PADI2: variants seen among roughly 807,000 people sequenced by gnomAD.
The protein encoded by PADI2 is peptidyl arginine deiminase 2.
In PADI2, 70 loss-of-function variants were observed where a neutral mutation model predicts 81.1. The ratio of observed to expected loss-of-function variants is 0.86; its 90% CI spans 0.71 to 1.05. The LOEUF (loss-of-function observed/expected upper bound fraction) is 1.05, where lower values mean the gene tolerates loss of function less well. Among genes scored for constraint, PADI2 ranks in the 50% least tolerant of loss-of-function variants. PADI2 has a pLI of 0.00. For synonymous variants in PADI2, 338 were observed against 358.0 expected, an observed-to-expected ratio of 0.94 and a Z score of 0.63; for missense variants, 853 against 889.9, an observed-to-expected ratio of 0.96 and a Z score of 0.53.
At chr1:17,095,251 T>A (rs2746518) in intron 4 of PADI2, among the ~76,000 whole-genome samples, 93,434 of 151,472 alleles carry the variant, frequency 0.62, 29,121 homozygotes, top group African/African-American at 0.68. Flanking sequence ...AAACAGAATG[T>A]GATGGAGAAC....
At chr1:17,075,245 T>C (rs3818040) in intron 12 of PADI2, 225,063 of 366,178 alleles carry the variant, frequency 0.61, 70,429 homozygotes, top group Middle Eastern at 0.7. Context: ...GGTATGAAGT[T>C]GTACCCATAA....
intron 1 of PADI2, among the ~76,000 whole-genome samples, chr1:17,107,555 AC>A (rs1270614318): frequency 6.6e-6 from 1 of 152,214 alleles, no homozygotes; most frequent in Non-Finnish European, 1.5e-5. Flanking sequence ...TGCATTTCTA[AC>A]ATGCTTCCAG....
chr1:17,109,245 G>A (rs867305428), intron 1 of PADI2, among the ~76,000 whole-genome samples: 12 of 151,764 alleles, frequency 7.9e-5, no homozygotes, highest in Middle Eastern at 3.4e-3. Flanking sequence ...AAAATTAGCC[G>A]AGCGTAGTGG....
chr1:17,093,907 G>A (rs1217260895), intron 4 of PADI2, among the ~76,000 whole-genome samples: 1 of 152,214 alleles, frequency 6.6e-6, no homozygotes, highest in Non-Finnish European at 1.5e-5. Context: ...GGCTGACTGA[G>A]GCATTTATGG....
intron 9 of PADI2, 69 bp downstream of exon 9, chr1:17,083,657 C>T (rs1355620595): frequency 2.1e-6 from 2 of 945,388 alleles, no homozygotes; most frequent in Non-Finnish European, 3.5e-6. Context: ...AGGCAGTTCA[C>T]ATGAAGCCAA....
Position 17,083,639 on chromosome 1 carries a change from T to G in PADI2, c.1050+87A>C, listed in dbSNP as rs2078364002. 5.1e-6 allele frequency: 4 copies of G among 791,900 alleles called. No homozygotes were observed. The Admixed American group carries it at 5.4e-5, about 11-fold the overall frequency. 49.1% of individuals were successfully genotyped at this position (791,900 alleles called of 1,614,324 possible). ...GAAGAATCCCCATCTGCAGAGCTGCTGGGTGCCAGGCAGTTCACATGAAGC... is the reference window on the plus strand; with the variant it reads ...GAAGAATCCCCATCTGCAGAGCTGCGGGGTGCCAGGCAGTTCACATGAAGC... On this transcript the variant is annotated intron_variant, in intron 9 of 15. Transcript: ENST00000375486.
chr1:17,096,328 C>A (rs947354837), intron 3 of PADI2, among the ~76,000 whole-genome samples: 1 of 152,350 alleles, frequency 6.6e-6, no homozygotes, highest in East Asian at 1.9e-4. Flanking sequence ...CACATAGGGA[C>A]GCTAGCAGAA....
intron 11 of PADI2, among the ~76,000 whole-genome samples, chr1:17,077,861 C>A (rs943613459): frequency 4.6e-5 from 7 of 152,178 alleles, no homozygotes; most frequent in Middle Eastern, 3.2e-3. Flanking sequence ...CTTTCCCCAG[C>A]GACTGCCCTG....
At chr1:17,077,125 G>A (rs1247797682) in intron 11 of PADI2, among the ~76,000 whole-genome samples, 2 of 152,046 alleles carry the variant, frequency 1.3e-5, no homozygotes, top group African/African-American at 4.8e-5. Flanking sequence ...ATCTCCTGAT[G>A]GCTGCCTACT....
Position 17,109,902 on chromosome 1 carries a change from A to C in PADI2, c.93-4841T>G, listed in dbSNP as rs75867796. On this transcript the variant is annotated intron_variant, in intron 1 of 15. Coordinates refer to ENST00000375486, the MANE Select transcript of PADI2 (RefSeq NM_007365.3). The stretch of plus-strand genomic sequence containing the variant: ...TTTAGGACCCTGACTCAGTTACTGT[A>C]AGTGATGCTTCCTGCCCACCTTCAT... Among the ~76,000 whole-genome samples, 911 of 152,302 alleles carry C rather than the reference A, an allele frequency of 6.0e-3. 43 individuals carry two copies. The East Asian group carries it at 0.12, about 20-fold the overall frequency.
rs772447537 is a variant in PADI2 at position 17,105,058 on chromosome 1, C to T, written c.96G>A (p.Ala32=). ...GTYLWTDVYS[A]APAGAQTFSL... ...TGAAGGTTTGGGCCCCGGCTGGGGC[C>T]GCGCTGTGGGGAGAGATGAGAGAGG... Residue 32 remains alanine, a synonymous_variant, in exon 2 of 16, where the codon GCG becomes GCA. Transcript: ENST00000375486. 1.1e-5 allele frequency: 18 copies of T among 1,567,392 alleles called. No individual in the cohort carries two copies. The highest frequency in any genetic ancestry group is 5.7e-5 in the South Asian group (5 of 87,762).
At chr1:17,092,306 A>G in intron 6 of PADI2, 102 bp downstream of exon 6, 1 of 933,714 alleles carries the variant, frequency 1.1e-6, no homozygotes, top group Non-Finnish European at 1.6e-6. Flanking sequence ...AGACCAATCC[A>G]GGTCTTCCCC....
At position 17,115,007 on chromosome 1, in the gene PADI2, G is replaced by A. The variant is rs78132699; in HGVS notation, c.92+4273C>T. Among the ~76,000 whole-genome samples, 1,348 of 152,230 alleles carry A rather than the reference G, an allele frequency of 8.9e-3. 22 individuals are homozygous for A. Among genetic ancestry groups the A allele is most frequent in the African/African-American group, 0.029 (1,211 of 41,514 alleles). On this transcript the variant is annotated intron_variant, in intron 1 of 15. Coordinates refer to ENST00000375486, the MANE Select transcript of PADI2 (RefSeq NM_007365.3). This position sits in a 1 kb window ranked among gnomAD's most constrained non-coding sequence, Gnocchi z 4.1. ...CCCCAGGCCCCCATCATGGAAAACT[G>A]GATCTCAGACCCTCCTGGCCTTTGT...
At chr1:17,105,156 G>A (rs551343344) in intron 1 of PADI2, 95 bp from the exon 2 acceptor site, 3 of 847,186 alleles carry the variant, frequency 3.5e-6, no homozygotes, top group Non-Finnish European at 1.7e-6. Flanking sequence ...ACTTTGGGAG[G>A]TCAAAGCCCG....
In PADI2 at chr1:17,101,552, C is replaced by T. The variant is rs569016887; in HGVS notation, c.349+1435G>A. The stretch of plus-strand genomic sequence containing the variant: ...TCTGCCACCCTCACCAAGGTCATCC[C>T]GAGGTTCCCTACCCCAGGGCTGGGC... On this transcript the variant is annotated intron_variant, in intron 3 of 15. Transcript: ENST00000375486. Among the ~76,000 whole-genome samples the T allele has an allele frequency of 3.9e-5, 6 of 152,228 alleles. No homozygotes were observed. In the East Asian group the frequency reaches 9.6e-4, roughly 24 times the overall value.
chr1:17,104,431 C>CTTTTTTTTTTTTTTTT (rs1217484961), intron 2 of PADI2, among the ~76,000 whole-genome samples: 7 of 79,816 alleles, frequency 8.8e-5, no homozygotes, highest in African/African-American at 3.5e-4. Context: ...TTTGCCTTTT[C>CTTTTTTTTTTTTTTTT]TTTTTTTTTT....
At chr1:17,114,132 C>T (rs1931677325) in intron 1 of PADI2, among the ~76,000 whole-genome samples, 1 of 152,232 alleles carries the variant, frequency 6.6e-6, no homozygotes, top group Non-Finnish European at 1.5e-5. Flanking sequence ...CCGTCATTCT[C>T]TCAGGAGCAA....
In PADI2 at chr1:17,118,502, C is replaced by T. The variant is rs189951300; in HGVS notation, c.92+778G>A. Among the ~76,000 whole-genome samples the T allele has an allele frequency of 1.2e-4, 18 of 152,200 alleles. No homozygotes were observed. In the East Asian group the frequency reaches 3.3e-3, roughly 28 times the overall value. The stretch of plus-strand genomic sequence containing the variant: ...GGGATTGCGGGGGGAGTGGTAGGGC[C>T]CTACCCTACCTTCAGCTGTCTCGGA... On this transcript the variant is annotated intron_variant, in intron 1 of 15. Coordinates refer to ENST00000375486, the MANE Select transcript of PADI2 (RefSeq NM_007365.3).
chr1:17,068,221 C>G lies in PADI2; in HGVS notation c.*823G>C, dbSNP rs2078236725. The G allele has an allele frequency of 1.3e-5, 2 of 152,848 alleles. No individual in the cohort carries two copies. Among genetic ancestry groups the G allele is most frequent in the South Asian group, 4.1e-4 (2 of 4,832 alleles). The allele number at this position is 152,848 out of a possible 1,614,324, so 9.5% of individuals were successfully genotyped here. Reference sequence around the variant, plus strand: ...TGGAAGGAGGAAGGTCAGGGAGCGGCCAGAGAATCAAGGACCAGGCAAGAG... The same window carrying G: ...TGGAAGGAGGAAGGTCAGGGAGCGGGCAGAGAATCAAGGACCAGGCAAGAG... On this transcript the variant is annotated 3_prime_UTR_variant, in exon 16 of 16. Coordinates refer to ENST00000375486, the MANE Select transcript of PADI2 (RefSeq NM_007365.3).
Sources: allele counts gnomAD v4.1 joint callset (sites outside exome capture counted in the v4.1 genomes callset), GRCh38; gene constraint gnomAD v4.1.1; non-coding constraint Gnocchi (gnomAD v3.1); transcripts MANE v1.5; gene names NCBI Gene and HGNC (gene_info 2026-07-23, HGNC 2026-07-21).